Variants in PCDH19 observed in about 807,000 individuals in gnomAD.
PCDH19 encodes the protein protocadherin-19.
In PCDH19, 6 loss-of-function variants were observed where a neutral mutation model predicts 46.2. The ratio of observed to expected loss-of-function variants is 0.13; its 90% CI spans 0.07 to 0.26. The LOEUF is 0.26. PCDH19 is among the 10% of genes least tolerant of loss of function. PCDH19 has a pLI of 1.00. For missense variants in PCDH19, 740 were observed against 972.3 expected (o/e 0.76, Z 3.18); for synonymous variants, 481 against 415.7 (o/e 1.16, Z -1.91).
intron 3 of PCDH19, among the ~76,000 whole-genome samples, chrX:100,368,688 G>C (rs758759495): frequency 1.1e-4 from 1 of 9,392 alleles, no homozygotes; most frequent in South Asian, 0.034. Context: ...GAGGAAGAAG[G>C]TCACAAGAAG....
At chrX:100,315,815 T>TACATGCTACAATGC (rs1298828711) in intron 5 of PCDH19, among the ~76,000 whole-genome samples, 1 of 112,305 alleles carries the variant, frequency 8.9e-6, no homozygotes, top group Non-Finnish European at 1.9e-5. Context: ...CTATGGTATG[T>TACATGCTACAATGC]ACATGCTACA....
intron 5 of PCDH19, among the ~76,000 whole-genome samples, chrX:100,297,567 T>C (rs1924655991): frequency 8.9e-6 from 1 of 112,071 alleles, no homozygotes; most frequent in African/African-American, 3.2e-5. Context: ...AGTGACATGT[T>C]GGTCATTGTT....
intron 5 of PCDH19, among the ~76,000 whole-genome samples, chrX:100,304,604 G>C (rs1029413833): frequency 8.9e-6 from 1 of 111,783 alleles, no homozygotes; most frequent in Non-Finnish European, 1.9e-5. Context: ...AAATTCAGAA[G>C]GTCAATTACT....
intron 3 of PCDH19, among the ~76,000 whole-genome samples, chrX:100,385,249 G>A (rs965651641): frequency 4.5e-5 from 5 of 110,634 alleles, no homozygotes; most frequent in Admixed American, 9.7e-5. Flanking sequence ...TGGTGGTGAC[G>A]TTTAAAACTA....
intron 4 of PCDH19, among the ~76,000 whole-genome samples, chrX:100,344,041 T>C (rs1385539082): frequency 8.9e-6 from 1 of 112,035 alleles, no homozygotes; most frequent in Non-Finnish European, 1.9e-5. Flanking sequence ...CTTGCTGACC[T>C]GAATATAAAA....
Sources: allele counts gnomAD v4.1 joint callset (sites outside exome capture counted in the v4.1 genomes callset), GRCh38; gene constraint gnomAD v4.1.1; transcripts MANE v1.5; gene names NCBI Gene and HGNC (gene_info 2026-07-23, HGNC 2026-07-21).